The following CCDC93 variants were observed in gnomAD, a reference collection of about 807,000 sequenced individuals.
CCDC93 encodes the protein CCC complex scaffolding subunit CCDC93.
In CCDC93, 61 loss-of-function variants were observed where a neutral mutation model predicts 108.2. That is an observed-to-expected ratio of 0.56 (90% CI 0.46 to 0.70). The LOEUF is 0.70. Ranked by LOEUF, CCDC93 falls within the 30% of genes least tolerant of loss-of-function variation. The pLI is 0.00. For synonymous variants in CCDC93, 276 were observed against 260.4 expected, an observed-to-expected ratio of 1.06 and a Z score of -0.58; for missense variants, 685 against 764.2, an observed-to-expected ratio of 0.90 and a Z score of 1.22.
At chr2:117,982,623 G>T (rs764208083) in intron 7 of CCDC93, among the ~76,000 whole-genome samples, 11 of 152,132 alleles carry the variant, frequency 7.2e-5, no homozygotes, top group Non-Finnish European at 1.5e-4. Context: ...CCCCAAGGAA[G>T]AAATACTGAT....
At chr2:117,961,122 C>A (rs2104760703) in intron 11 of CCDC93, among the ~76,000 whole-genome samples, 1 of 152,128 alleles carries the variant, frequency 6.6e-6, no homozygotes, top group South Asian at 2.1e-4. Flanking sequence ...GGGGTGGGCT[C>A]ACCAACTGGC....
chr2:117,931,008 C>G (rs949998725), intron 23 of CCDC93, 29 bp downstream of exon 23: 9 of 1,444,798 alleles, frequency 6.2e-6, no homozygotes, highest in Admixed American at 5.5e-5. Context: ...TCACGTTAGC[C>G]TTAATGTGCT....
chr2:118,003,969 G>A (rs762967132), intron 3 of CCDC93, among the ~76,000 whole-genome samples: 11 of 152,124 alleles, frequency 7.2e-5, no homozygotes, highest in Non-Finnish European at 1.3e-4. Context: ...TCACCAGGCC[G>A]GTTTCCTAGA....
At position 117,969,231 on chromosome 2, in the gene CCDC93, T is replaced by C. The variant is rs569218456; in HGVS notation, c.888+4677A>G. Among the ~76,000 whole-genome samples, 25 of 152,282 alleles carry C rather than the reference T, an allele frequency of 1.6e-4. 1 individual carries two copies. In the South Asian group the frequency reaches 4.8e-3, roughly 29 times the overall value. The stretch of plus-strand genomic sequence containing the variant: ...AGCTTTGATGAAATAAGTGGCAATG[T>C]AGGAGAGGCTCATGTGACAAGGAAC... On this transcript the variant is annotated intron_variant, in intron 11 of 23. Transcript: ENST00000376300.
chr2:117,986,686 A>T (rs1051267346), intron 6 of CCDC93, among the ~76,000 whole-genome samples: 4 of 152,202 alleles, frequency 2.6e-5, no homozygotes, highest in Non-Finnish European at 5.9e-5. Context: ...TACAGTTTCG[A>T]GCATACAGAA....
intron 8 of CCDC93, 81 bp downstream of exon 8, chr2:117,977,913 G>A (rs897569261): frequency 1.6e-5 from 22 of 1,335,158 alleles, no homozygotes; most frequent in African/African-American, 8.7e-5. Flanking sequence ...GCTGCTGCCC[G>A]GCTTGTGAGT....
intron 12 of CCDC93, among the ~76,000 whole-genome samples, chr2:117,956,956 T>A (rs1457779499): frequency 1.3e-5 from 2 of 152,044 alleles, no homozygotes; most frequent in East Asian, 3.9e-4. Flanking sequence ...AACAGCATGA[T>A]CTCGGCTCAC....
chr2:118,003,577 T>C (rs1676775844), intron 3 of CCDC93, among the ~76,000 whole-genome samples: 1 of 152,194 alleles, frequency 6.6e-6, no homozygotes, highest in South Asian at 2.1e-4. Flanking sequence ...CCTAGAACCA[T>C]ACATAATAGC....
chr2:118,000,558 C>T (rs1680813406), intron 4 of CCDC93, among the ~76,000 whole-genome samples: 1 of 152,166 alleles, frequency 6.6e-6, no homozygotes, highest in South Asian at 2.1e-4. Context: ...CTACAGAGTT[C>T]TGTTTTTACC....
intron 10 of CCDC93, among the ~76,000 whole-genome samples, chr2:117,974,308 C>A (rs560578609): frequency 6.6e-6 from 1 of 152,128 alleles, no homozygotes; most frequent in South Asian, 2.1e-4. Context: ...CCAAACAGAG[C>A]CTGCAGGGGA....
intron 23 of CCDC93, 56 bp downstream of exon 23, chr2:117,930,981 T>C: frequency 8.6e-7 from 1 of 1,168,138 alleles, no homozygotes; most frequent in Non-Finnish European, 1.2e-6. Context: ...TGGCTACTTT[T>C]GAGGTGAACA....
At position 118,007,888 on chromosome 2, in the gene CCDC93, G is replaced by C. The variant is rs182022881; in HGVS notation, c.156+657C>G. On this transcript the variant is annotated intron_variant, in intron 2 of 23. Transcript: ENST00000376300. The stretch of plus-strand genomic sequence containing the variant: ...GTGACCCCGTGGAGCACTCAGCACT[G>C]TCTTCCACAGCCTGCCCTGTGTGAT... Among the ~76,000 whole-genome samples, 207 of 152,332 alleles carry C rather than the reference G, an allele frequency of 1.4e-3. 1 individual carries two copies. The highest frequency in any genetic ancestry group is 4.8e-3 in the African/African-American group (201 of 41,588).
intron 11 of CCDC93, among the ~76,000 whole-genome samples, chr2:117,969,792 C>T (rs1353053148): frequency 6.6e-6 from 1 of 152,176 alleles, no homozygotes; most frequent in Non-Finnish European, 1.5e-5. Flanking sequence ...GCATACATAG[C>T]TTTAACCTTG....
intron 11 of CCDC93, 95 bp downstream of exon 11, chr2:117,973,812 AC>A: frequency 1.1e-6 from 1 of 903,578 alleles, no homozygotes; most frequent in Admixed American, 2.0e-5. Context: ...TTACAAGAGA[AC>A]ACGGGGCACT....
At chr2:117,965,763 C>T (rs752874905) in intron 11 of CCDC93, among the ~76,000 whole-genome samples, 1 of 151,988 alleles carries the variant, frequency 6.6e-6, no homozygotes, top group Admixed American at 6.6e-5. Flanking sequence ...ATCCCTGCCC[C>T]CTACACCTGA....
intron 7 of CCDC93, among the ~76,000 whole-genome samples, chr2:117,982,753 A>G (rs1680185834): frequency 6.1e-5 from 1 of 16,310 alleles, no homozygotes; most frequent in African/African-American, 1.4e-4. Flanking sequence ...GCCATAGTGT[A>G]GTGGGGGGGG....
intron 2 of CCDC93, 21 bp from the exon 3 acceptor site, chr2:118,006,837 ATTTG>A: frequency 1.3e-6 from 2 of 1,491,056 alleles, no homozygotes; most frequent in Non-Finnish European, 1.9e-6. Context: ...TAAAGAAAAT[ATTTG>A]TTTTCTCTTT....
chr2:117,950,288 T>G, intron 13 of CCDC93: 1 of 985,244 alleles, frequency 1.0e-6, no homozygotes, highest in Non-Finnish European at 1.2e-6. Flanking sequence ...AACAAGTCAA[T>G]TCTGATCTTA....
At chr2:117,950,126 C>G in intron 13 of CCDC93, 1 of 985,366 alleles carries the variant, frequency 1.0e-6, no homozygotes, top group Non-Finnish European at 1.2e-6. Context: ...GTAGGTAGAT[C>G]CCTTCCAGAA....
Sources: allele counts gnomAD v4.1 joint callset (sites outside exome capture counted in the v4.1 genomes callset), GRCh38; gene constraint gnomAD v4.1.1; transcripts MANE v1.5; gene names NCBI Gene and HGNC (gene_info 2026-07-23, HGNC 2026-07-21).